NSFL1C: variants seen among roughly 807,000 people sequenced by gnomAD.
NSFL1C encodes the protein NSFL1 cofactor.
A neutral mutation model predicts 43.1 loss-of-function variants in NSFL1C; 14 were observed. The observed-to-expected ratio is 0.32, with a 90% confidence interval of 0.21 to 0.51. The LOEUF is 0.51. NSFL1C is among the 20% of genes least tolerant of loss of function. NSFL1C has a pLI of 0.98. For synonymous variants in NSFL1C, 171 were observed against 183.5 expected, an observed-to-expected ratio of 0.93 and a Z score of 0.55; for missense variants, 406 against 472.5, an observed-to-expected ratio of 0.86 and a Z score of 1.30.
At chr20:1,448,402 C>T (rs781414907) in intron 7 of NSFL1C, among the ~76,000 whole-genome samples, 18 of 152,262 alleles carry the variant, frequency 1.2e-4, no homozygotes, top group Admixed American at 4.6e-4. Flanking sequence ...GAGGATGAGA[C>T]GAGATAATGT....
At chr20:1,455,680 G>C (rs529421004) in intron 3 of NSFL1C, 1 of 779,572 alleles carries the variant, frequency 1.3e-6, no homozygotes, top group Non-Finnish European at 2.4e-6. Context: ...CCTTGTCTTT[G>C]AAACGGGAGG....
rs186538429 is a variant in NSFL1C, at chr20:1,458,951, C to A, written c.204-677G>T. Reference sequence around the variant, plus strand: ...AAAGCAGTGTTGTATGGGATGGGCACAACTAAAAATGAGCGTGAGAAGGGT... The same window carrying A: ...AAAGCAGTGTTGTATGGGATGGGCAAAACTAAAAATGAGCGTGAGAAGGGT... On this transcript the variant is annotated intron_variant, in intron 2 of 8. Coordinates refer to ENST00000216879, the MANE Select transcript of NSFL1C (RefSeq NM_016143.5). Among the ~76,000 whole-genome samples, 4 of 152,264 alleles carry A rather than the reference C, an allele frequency of 2.6e-5. No homozygotes were observed. In the East Asian group the frequency reaches 7.7e-4, roughly 29 times the overall value.
At chr20:1,450,198 GT>G (rs2090155738) in intron 7 of NSFL1C, among the ~76,000 whole-genome samples, 1 of 152,136 alleles carries the variant, frequency 6.6e-6, no homozygotes, top group South Asian at 2.1e-4. Context: ...TTCAAGAAAA[GT>G]TCAAGACTTT....
intron 2 of NSFL1C, among the ~76,000 whole-genome samples, chr20:1,459,741 G>A (rs962399651): frequency 6.6e-6 from 1 of 152,174 alleles, no homozygotes; most frequent in Admixed American, 6.5e-5. Context: ...TGCTTGATAT[G>A]ACATGGTTCA....
At chr20:1,453,004 G>A (rs749010950) in intron 6 of NSFL1C, 27 bp downstream of exon 6, 16 of 1,226,984 alleles carry the variant, frequency 1.3e-5, no homozygotes, top group South Asian at 8.4e-5. Context: ...ACTGATTTGG[G>A]ACCTACAGGA....
At position 1,443,502 on chromosome 20, in the gene NSFL1C, T is replaced by G. The variant is rs1401333039; in HGVS notation, c.*247A>C. 2 of 396,792 alleles carry G rather than the reference T, an allele frequency of 5.0e-6. No individual in the cohort carries two copies. Among genetic ancestry groups the G allele is most frequent in the East Asian group, 8.0e-5 (2 of 25,132 alleles). 24.6% of individuals were successfully genotyped at this position (396,792 alleles called of 1,614,324 possible). On this transcript the variant is annotated 3_prime_UTR_variant, in exon 9 of 9. Coordinates refer to ENST00000216879, the MANE Select transcript of NSFL1C (RefSeq NM_016143.5). Reference sequence around the variant, plus strand: ...GTTTCCGTACAACATGCTGGTGATATTCCTTCAATTTTTTTGGTTGTTTTT... The same window carrying G: ...GTTTCCGTACAACATGCTGGTGATAGTCCTTCAATTTTTTTGGTTGTTTTT...
intron 5 of NSFL1C, among the ~76,000 whole-genome samples, chr20:1,453,711 A>C (rs746162439): frequency 5.9e-5 from 9 of 152,196 alleles, no homozygotes; most frequent in Non-Finnish European, 1.2e-4. Context: ...AATGATCACA[A>C]GACTACAAGA....
chr20:1,450,133 A>AGTC (rs2122849611), intron 7 of NSFL1C, among the ~76,000 whole-genome samples: 1 of 152,340 alleles, frequency 6.6e-6, no homozygotes, highest in African/African-American at 2.4e-5. Flanking sequence ...GATTTTGAAA[A>AGTC]AGCCCAGTAC....
At chr20:1,446,034 T>A in intron 7 of NSFL1C, 1 of 609,616 alleles carries the variant, frequency 1.6e-6, no homozygotes. Flanking sequence ...AGTCATATAT[T>A]TCATACGTTA....
rs2090049867 is a variant in NSFL1C at position 1,445,927 on chromosome 20, C to T, written c.786-97G>A. ...ACTGTTACTGAGCATTTGCAATGCG[C>T]CTGGCATTGTTTGGTGCTGCTGATC... On this transcript the variant is annotated intron_variant, in intron 7 of 8. Coordinates refer to ENST00000216879, the MANE Select transcript of NSFL1C (RefSeq NM_016143.5). 6.1e-6 allele frequency: 8 copies of T among 1,310,242 alleles called. No homozygotes were observed. The East Asian group carries it at 1.4e-4, about 23-fold the overall frequency. The allele number at this position is 1,310,242 out of a possible 1,614,324, so 81.2% of individuals were successfully genotyped here.
intron 6 of NSFL1C, 120 bp downstream of exon 6, chr20:1,452,911 C>T (rs1292233274): frequency 6.7e-6 from 5 of 746,186 alleles, no homozygotes; most frequent in Non-Finnish European, 1.2e-5. Context: ...ATCCGTATCT[C>T]AACTATGCTG....
Position 1,454,237 on chromosome 20 carries a change from T to C in NSFL1C, c.513A>G (p.Glu171=). ...CATCTTGGCTGGAATGCTGCCTCTT[T>C]TCTCCTGCCACATAGGCAGACTCTT... The part of the protein sequence containing the change: ...PEEESAYVAG[E]KRQHSSQDVH... Residue 171 remains glutamate (E), a synonymous_variant, in exon 5 of 9, where the codon GAA becomes GAG. Transcript: ENST00000216879. 1 of 1,613,286 alleles carries C rather than the reference T, an allele frequency of 6.2e-7. No homozygotes were observed. Among genetic ancestry groups the C allele is most frequent in the Non-Finnish European group, 8.5e-7 (1 of 1,180,008 alleles).
intron 7 of NSFL1C, among the ~76,000 whole-genome samples, chr20:1,448,620 G>A (rs2090121112): frequency 6.6e-6 from 1 of 152,188 alleles, no homozygotes; most frequent in African/African-American, 2.4e-5. Context: ...AGGGTGGCCT[G>A]ATAAACATGG....
At chr20:1,446,599 G>A (rs1230865429) in intron 7 of NSFL1C, among the ~76,000 whole-genome samples, 1 of 152,192 alleles carries the variant, frequency 6.6e-6, no homozygotes, top group Non-Finnish European at 1.5e-5. Context: ...AAGGGTTAAG[G>A]CATAGGCCTT....
At chr20:1,458,066 C>T (rs1361388133) in intron 3 of NSFL1C, 134 bp downstream of exon 3, 4 of 739,028 alleles carry the variant, frequency 5.4e-6, no homozygotes, top group Non-Finnish European at 9.7e-6. Flanking sequence ...TAAGATATAA[C>T]CCACACAGAC....
chr20:1,455,647 T>C, intron 3 of NSFL1C: 1 of 779,570 alleles, frequency 1.3e-6, no homozygotes. Context: ...GGTAAGCCAG[T>C]GCACTACTCT....
chr20:1,457,626 ACT>A (rs2090328777), intron 3 of NSFL1C, among the ~76,000 whole-genome samples: 1 of 152,054 alleles, frequency 6.6e-6, no homozygotes, highest in African/African-American at 2.4e-5. Context: ...CTGTAACCAC[ACT>A]CTGTCGATTG....
rs1568619359 is a variant in NSFL1C at position 1,452,560 on chromosome 20, C to T, written c.718G>A (p.Asp240Asn). 2.5e-6 allele frequency: 4 copies of T among 1,614,190 alleles called. No individual in the cohort carries two copies. Among genetic ancestry groups the T allele is most frequent in the East Asian group, 2.2e-5 (1 of 44,880 alleles). The change falls in exon 7 of 9, where the codon GAC (aspartate) becomes AAC (asparagine). Residue 240 changes from aspartate (D) to asparagine (N), a missense_variant. Transcript: ENST00000216879. Reference protein sequence around the residue: ...QVNLDMEDHRDEDFVKPKGAF... With the variant: ...QVNLDMEDHRNEDFVKPKGAF... Reference sequence around the variant, plus strand: ...CCTTTGGGCTTCACAAAGTCCTCGTCCCGATGGTCCTCCATATCCAAGTTC... The same window carrying T: ...CCTTTGGGCTTCACAAAGTCCTCGTTCCGATGGTCCTCCATATCCAAGTTC...
chr20:1,459,070 C>A (rs2090359847), intron 2 of NSFL1C, among the ~76,000 whole-genome samples: 1 of 152,114 alleles, frequency 6.6e-6, no homozygotes, highest in Non-Finnish European at 1.5e-5. Flanking sequence ...GATCATAAGA[C>A]AAGTTTTATC....
Sources: allele counts gnomAD v4.1 joint callset (sites outside exome capture counted in the v4.1 genomes callset), GRCh38; gene constraint gnomAD v4.1.1; transcripts MANE v1.5; gene names NCBI Gene and HGNC (gene_info 2026-07-23, HGNC 2026-07-21).